COA1: variants seen among roughly 807,000 people sequenced by gnomAD.
The protein encoded by COA1 is cytochrome c oxidase assembly factor 1.
In COA1, 13 loss-of-function variants were observed where a neutral mutation model predicts 16.0. The ratio of observed to expected loss-of-function variants is 0.81; its 90% confidence interval spans 0.53 to 1.29. COA1 has a LOEUF of 1.29. Among genes scored for constraint, COA1 ranks in the 50% most tolerant of loss-of-function variants. The pLI, the probability that COA1 is intolerant of heterozygous loss-of-function variation, is 0.00. For missense variants in COA1, 179 were observed against 177.0 expected, an observed-to-expected ratio of 1.01 and a Z score of -0.06; for synonymous variants, 65 against 65.7, an observed-to-expected ratio of 0.99 and a Z score of 0.05.
At chr7:43,717,915 T>C (rs1335534609) in intron 1 of COA1, among the ~76,000 whole-genome samples, 1 of 152,350 alleles carries the variant, frequency 6.6e-6, no homozygotes, top group East Asian at 1.9e-4. Flanking sequence ...TCTCTTTGCC[T>C]GCTGCCATCT....
At position 43,640,599 on chromosome 7, in the gene COA1, G is replaced by C. The variant is rs1213839558; in HGVS notation, c.315C>G (p.His105Gln). The change falls in exon 5 of 6, where the codon CAC (histidine) becomes CAG (glutamine). Residue 105 changes from histidine (H) to glutamine (Q), a missense_variant. Coordinates refer to ENST00000223336, the MANE Select transcript of COA1 (RefSeq NM_018224.4). ...TCTGAAAGGGGCCACCTCTGGATGA[G>C]TGGACGTAGAGAAGGCCCTCTGATT... ...GSKSEGLLYVHSSRGGPFQRW... is the reference protein window; with the variant it reads ...GSKSEGLLYVQSSRGGPFQRW... 47 of 1,608,962 alleles carry C rather than the reference G, an allele frequency of 2.9e-5. No homozygotes were observed. Among genetic ancestry groups the C allele is most frequent in the Non-Finnish European group, 3.8e-5 (45 of 1,178,004 alleles).
chr7:43,684,947 T>C (rs1286818697), intron 1 of COA1, among the ~76,000 whole-genome samples: 2 of 151,974 alleles, frequency 1.3e-5, no homozygotes, highest in Non-Finnish European at 2.9e-5. Context: ...GAGTGAGAGA[T>C]TCTCTACCAA....
chr7:43,722,196 T>C (rs990646089), intron 1 of COA1, among the ~76,000 whole-genome samples: 13 of 151,312 alleles, frequency 8.6e-5, no homozygotes, highest in Admixed American at 4.0e-4. Flanking sequence ...ACTCAGGTGA[T>C]CTTCCCACCT....
intron 6 of COA1, among the ~76,000 whole-genome samples, chr7:43,613,779 G>A (rs1401997342): frequency 1.3e-5 from 2 of 152,156 alleles, no homozygotes; most frequent in Admixed American, 1.3e-4. Flanking sequence ...AGGAGTTCGA[G>A]GCTGCAGTGG....
At chr7:43,655,373 G>C (rs988775272) in intron 1 of COA1, among the ~76,000 whole-genome samples, 2 of 152,098 alleles carry the variant, frequency 1.3e-5, no homozygotes, top group Admixed American at 1.3e-4. Flanking sequence ...AGATATTGCC[G>C]GGCATGTTGG....
intron 1 of COA1, among the ~76,000 whole-genome samples, chr7:43,728,682 A>G (rs2095671286): frequency 6.6e-6 from 1 of 152,306 alleles, no homozygotes; most frequent in East Asian, 1.9e-4. Context: ...GACAGAAATA[A>G]CACAATCTGA....
intron 1 of COA1, among the ~76,000 whole-genome samples, chr7:43,715,011 A>T (rs1420872417): frequency 5.2e-4 from 9 of 17,336 alleles, no homozygotes; most frequent in African/African-American, 2.7e-3. Flanking sequence ...TTGTCTAAAA[A>T]AAAAAAAAAA....
chr7:43,624,946 A>T, intron 6 of COA1: 1 of 1,055,994 alleles, frequency 9.5e-7, no homozygotes. Flanking sequence ...GATAACCAGT[A>T]TCACTTACAC....
At chr7:43,627,410 T>C (rs954475847) in intron 6 of COA1, among the ~76,000 whole-genome samples, 6 of 152,188 alleles carry the variant, frequency 3.9e-5, no homozygotes, top group African/African-American at 1.4e-4. Context: ...ACATGAATTA[T>C]AGTCCTCAGT....
In COA1 at chr7:43,640,615, C is replaced by T. The variant is rs1398093956; in HGVS notation, c.299G>A (p.Gly100Asp). The T allele has an allele frequency of 1.9e-6, 3 of 1,607,860 alleles. No homozygotes were observed. The highest frequency in any genetic ancestry group is 2.3e-5 in the East Asian group (1 of 44,402). The change falls in exon 5 of 6, where the codon GGC (glycine) becomes GAC (aspartate). Residue 100 changes from glycine (G) to aspartate (D), a missense_variant. Transcript: ENST00000223336. ...TCTGGATGAGTGGACGTAGAGAAGG[C>T]CCTCTGATTTGGATCCAGAGACAGG... The part of the protein sequence containing the change: ...KIPVSGSKSE[G>D]LLYVHSSRGG...
At chr7:43,714,234 T>C (rs2095332539) in intron 1 of COA1, among the ~76,000 whole-genome samples, 1 of 152,106 alleles carries the variant, frequency 6.6e-6, no homozygotes. Flanking sequence ...CTTTTTGTAA[T>C]AGAGTTATAC....
Position 43,625,174 on chromosome 7 carries a change from GCC to G in COA1, c.*133+14273_*133+14274del, listed in dbSNP as rs2084371582. 3 of 200,400 alleles carry G rather than the reference GCC, an allele frequency of 1.5e-5. No individual in the cohort carries two copies. The South Asian group carries it at 3.5e-4, about 23-fold the overall frequency. 12.4% of individuals were successfully genotyped at this position (200,400 alleles called of 1,614,324 possible). On this transcript the variant is annotated intron_variant and NMD_transcript_variant, in intron 6 of 6. Transcript: ENST00000415076. ...TTCTTTAAAAAATCCAAGTAAAAGT[GCC>G]AAAACTACACTTCTGTAAATCTCTT...
chr7:43,652,700 T>C (rs760623075), intron 1 of COA1, among the ~76,000 whole-genome samples: 34 of 150,260 alleles, frequency 2.3e-4, no homozygotes, highest in Middle Eastern at 6.8e-3. Context: ...CCCCAAGTTA[T>C]AATTTAAGGG....
At position 43,639,674 on chromosome 7, in the gene COA1, G is replaced by A. The variant is rs1563208577; in HGVS notation, c.349C>T (p.Leu117Phe). Reference protein sequence around the residue: ...SRGGPFQRWHLDEVFLELKDG... With the variant: ...SRGGPFQRWHFDEVFLELKDG... ...TTGAGCTCTAAAAAGACCTCGTCAAGGTGCCACCTGAGAGAAACCAAAAGT... is the reference window on the plus strand; with the variant it reads ...TTGAGCTCTAAAAAGACCTCGTCAAAGTGCCACCTGAGAGAAACCAAAAGT... The change falls in exon 6 of 6, where the codon CTT becomes TTT. Residue 117 changes from leucine (L) to phenylalanine (F), a missense_variant. Leu to Phe is a conservative substitution (Grantham distance 22). Coordinates refer to ENST00000223336, the MANE Select transcript of COA1 (RefSeq NM_018224.4). 6.2e-7 allele frequency: 1 copy of A among 1,613,606 alleles called. No homozygotes were observed. The highest frequency in any genetic ancestry group is 1.7e-5 in the Admixed American group (1 of 60,018).
downstream of COA1, among the ~76,000 whole-genome samples, chr7:43,635,907 G>C (rs1001945297): frequency 6.6e-6 from 1 of 152,164 alleles, no homozygotes; most frequent in Non-Finnish European, 1.5e-5. Flanking sequence ...TAGGTGTATA[G>C]TAGGGGGTCT....
chr7:43,686,273 C>T (rs1011087890), intron 1 of COA1, among the ~76,000 whole-genome samples: 1 of 147,470 alleles, frequency 6.8e-6, no homozygotes, highest in Non-Finnish European at 1.5e-5. Flanking sequence ...TCTGGAGGTA[C>T]TGTGTTCTGG....
chr7:43,708,314 A>G (rs1347198170), intron 1 of COA1, among the ~76,000 whole-genome samples: 1 of 152,200 alleles, frequency 6.6e-6, no homozygotes, highest in Non-Finnish European at 1.5e-5. Flanking sequence ...AAATAAAGTT[A>G]GCTGGGTGTG....
chr7:43,642,130 T>TA (rs2087319144), intron 4 of COA1: 2 of 152,164 alleles, frequency 1.3e-5, no homozygotes, highest in South Asian at 4.1e-4. Context: ...CTCAGGTGAA[T>TA]AGGCAGTCAC....
At chr7:43,712,608 T>G (rs2095285981) in intron 1 of COA1, among the ~76,000 whole-genome samples, 1 of 152,260 alleles carries the variant, frequency 6.6e-6, no homozygotes, top group African/African-American at 2.4e-5. Flanking sequence ...TTTATTAGAC[T>G]GAACACATGG....
Sources: allele counts gnomAD v4.1 joint callset (sites outside exome capture counted in the v4.1 genomes callset), GRCh38; gene constraint gnomAD v4.1.1; transcripts MANE v1.5; gene names NCBI Gene and HGNC (gene_info 2026-07-23, HGNC 2026-07-21).